RBFOX1: variants seen among roughly 807,000 people sequenced by gnomAD.
RBFOX1 encodes the protein RNA binding protein fox-1 homolog 1.
RBFOX1 carries 8 observed loss-of-function variants against 57.7 expected under a neutral mutation model. The observed-to-expected ratio is 0.14, with a 90% CI of 0.08 to 0.25. The LOEUF (loss-of-function observed/expected upper bound fraction) is 0.25, where lower values mean the gene tolerates loss of function less well. Among genes scored for constraint, RBFOX1 ranks in the 10% least tolerant of loss-of-function variants. The pLI is 1.00. For missense variants in RBFOX1, 611 were observed against 548.5 expected, an observed-to-expected ratio of 1.11 and a Z score of -1.14; for synonymous variants, 326 against 222.4, an observed-to-expected ratio of 1.47 and a Z score of -4.15.
At chr16:5,259,039 C>T (rs1450425476) in intron 1 of RBFOX1, among the ~76,000 whole-genome samples, 1 of 152,138 alleles carries the variant, frequency 6.6e-6, no homozygotes, top group Non-Finnish European at 1.5e-5. Flanking sequence ...AGCGCAGGTT[C>T]AAGCATTCCC....
chr16:5,815,556 CCTT>C (rs971825817), intron 3 of RBFOX1, among the ~76,000 whole-genome samples: 2 of 152,160 alleles, frequency 1.3e-5, no homozygotes, highest in Non-Finnish European at 2.9e-5. Flanking sequence ...AAGTCCATCT[CCTT>C]CTCTCCAGAG....
intron 3 of RBFOX1, among the ~76,000 whole-genome samples, chr16:7,049,740 A>G (rs973706118): frequency 3.9e-5 from 6 of 152,090 alleles, no homozygotes; most frequent in African/African-American, 1.2e-4. Context: ...TAGCTCCCCC[A>G]TGCATTCTAT....
At chr16:7,098,325 A>G (rs528448024) in intron 4 of RBFOX1, among the ~76,000 whole-genome samples, 33 of 152,132 alleles carry the variant, frequency 2.2e-4, no homozygotes, top group Non-Finnish European at 2.2e-4. Flanking sequence ...GTGCATCGCC[A>G]TGCCTGGCTA....
In RBFOX1 at chr16:6,267,017, T is replaced by A. The variant is rs367931503; in HGVS notation, c.-126-49978T>A. Among the ~76,000 whole-genome samples, 21 of 152,262 alleles carry A rather than the reference T, an allele frequency of 1.4e-4. No individual in the cohort carries two copies. The East Asian group carries it at 2.9e-3, about 21-fold the overall frequency. On this transcript the variant is annotated intron_variant, in intron 1 of 15. Coordinates refer to ENST00000550418, the MANE Select transcript of RBFOX1 (RefSeq NM_018723.4). ...GAGATTTCTGGCTCCACCACCATCA[T>A]GAATATTTTTGATGGGATAGGTTCT...
intron 2 of RBFOX1, among the ~76,000 whole-genome samples, chr16:6,590,589 A>G (rs1017870928): frequency 6.6e-6 from 1 of 152,186 alleles, no homozygotes; most frequent in African/African-American, 2.4e-5. Flanking sequence ...ATTATTTCAC[A>G]AAGCAGTTCT....
At chr16:5,487,876 G>A (rs1488824539) in intron 2 of RBFOX1, among the ~76,000 whole-genome samples, 1 of 152,154 alleles carries the variant, frequency 6.6e-6, no homozygotes, top group Non-Finnish European at 1.5e-5. Context: ...TGATAATGAT[G>A]GTGGTGGTAG....
rs544937315 is a variant in RBFOX1 at position 7,145,724 on chromosome 16, C to T, written c.27+93626C>T. 5.3e-5 allele frequency among the ~76,000 whole-genome samples: 8 copies of T among 152,268 alleles called. No individual in the cohort carries two copies. The South Asian group carries it at 1.0e-3, about 20-fold the overall frequency. On this transcript the variant is annotated intron_variant, in intron 4 of 15. Transcript: ENST00000550418. ...GAAATTTAAAAAATGTATCTTTAAG[C>T]TTGACATCTCCCAGTGGTATGGCCC...
chr16:7,711,679 A>G lies in RBFOX1; in HGVS notation c.*934A>G, dbSNP rs2084022173. On this transcript the variant is annotated 3_prime_UTR_variant, in exon 16 of 16. Coordinates refer to ENST00000550418, the MANE Select transcript of RBFOX1 (RefSeq NM_018723.4). ...GTTAAAAAAAATGTATAAAATTTACATCTGTGCAGTGGAGTTGTTAAGTTC... is the reference window on the plus strand; with the variant it reads ...GTTAAAAAAAATGTATAAAATTTACGTCTGTGCAGTGGAGTTGTTAAGTTC... 6.5e-6 allele frequency: 1 copy of G among 152,672 alleles called. No individual in the cohort carries two copies. The highest frequency in any genetic ancestry group is 6.5e-5 in the Admixed American group (1 of 15,292). 9.5% of individuals were successfully genotyped at this position (152,672 alleles called of 1,614,324 possible).
At chr16:5,275,755 C>A (rs9938821) in intron 1 of RBFOX1, among the ~76,000 whole-genome samples, 3 of 151,948 alleles carry the variant, frequency 2.0e-5, no homozygotes, top group East Asian at 1.9e-4. Flanking sequence ...AAGAACCAAT[C>A]TAGAGGCATC....
chr16:7,382,891 A>G (rs1175572481), intron 4 of RBFOX1, among the ~76,000 whole-genome samples: 1 of 152,240 alleles, frequency 6.6e-6, no homozygotes, highest in Non-Finnish European at 1.5e-5. Context: ...TAAGCTGCCT[A>G]CATCAAGTAT....
chr16:5,606,777 G>C (rs190829168), intron 3 of RBFOX1, among the ~76,000 whole-genome samples: 2,344 of 152,206 alleles, frequency 0.015, 56 homozygotes, highest in African/African-American at 0.053. Context: ...TGAAGGACAA[G>C]TGGGAGTCGT....
intron 1 of RBFOX1, among the ~76,000 whole-genome samples, chr16:6,052,805 AT>A (rs2095568747): frequency 6.2e-4 from 1 of 1,606 alleles, no homozygotes; most frequent in Non-Finnish European, 1.2e-3. Flanking sequence ...AAAATAAAAT[AT>A]AATAATAATA....
At chr16:7,439,851 A>G (rs528596941) in intron 4 of RBFOX1, among the ~76,000 whole-genome samples, 1 of 152,246 alleles carries the variant, frequency 6.6e-6, no homozygotes, top group Admixed American at 6.5e-5. Context: ...GGAAAAGAGA[A>G]GTGCCAGTGT....
intron 1 of RBFOX1, among the ~76,000 whole-genome samples, chr16:6,036,109 G>C (rs918369124): frequency 6.6e-6 from 1 of 152,150 alleles, no homozygotes; most frequent in Non-Finnish European, 1.5e-5. Flanking sequence ...GCAGCCACCT[G>C]AGGGTGACAC....
At chr16:5,620,264 C>G (rs1261644228) in intron 3 of RBFOX1, among the ~76,000 whole-genome samples, 2 of 152,072 alleles carry the variant, frequency 1.3e-5, no homozygotes, top group African/African-American at 4.8e-5. Flanking sequence ...AGGGATCCAC[C>G]CAACACATGC....
At position 7,219,048 on chromosome 16, in the gene RBFOX1, C is replaced by G. The variant is rs79531923; in HGVS notation, c.27+166950C>G. Among the ~76,000 whole-genome samples the G allele has an allele frequency of 3.0e-3, 460 of 152,240 alleles. 1 individual carries two copies. The highest frequency in any genetic ancestry group is 0.017 in the Middle Eastern group (5 of 294). The stretch of plus-strand genomic sequence containing the variant: ...GAAGGGCTCGGAGCCAGACAAAGCA[C>G]GCCTTTGTAAATGAATGTGGAGTTG... On this transcript the variant is annotated intron_variant, in intron 4 of 15. Coordinates refer to ENST00000550418, the MANE Select transcript of RBFOX1 (RefSeq NM_018723.4).
chr16:7,031,689 C>G (rs781363323), intron 3 of RBFOX1, among the ~76,000 whole-genome samples: 10 of 152,152 alleles, frequency 6.6e-5, no homozygotes, highest in Non-Finnish European at 1.3e-4. Context: ...GCGAGATAAT[C>G]CAGTACTTTA....
At chr16:5,353,273 C>T (rs774891796) in intron 1 of RBFOX1, among the ~76,000 whole-genome samples, 9 of 151,208 alleles carry the variant, frequency 6.0e-5, no homozygotes, top group Non-Finnish European at 1.0e-4. Flanking sequence ...AGCTATTCAG[C>T]AGGCTGAGCC....
In RBFOX1 at chr16:7,047,798, C is replaced by G. The variant is rs563634669; in HGVS notation, c.-15-4259C>G. ...GTTTAGAATGGATACTTTTTATGTA[C>G]TCAAGTTTACTTCTTTTTCTTCTGT... On this transcript the variant is annotated intron_variant, in intron 3 of 15. Transcript: ENST00000550418. Among the ~76,000 whole-genome samples the G allele has an allele frequency of 6.1e-5, 7 of 113,856 alleles. No individual in the cohort carries two copies. In the East Asian group the frequency reaches 1.6e-3, roughly 26 times the overall value. 74.7% of individuals were successfully genotyped at this position (113,856 alleles called of 152,430 possible).
Sources: allele counts gnomAD v4.1 joint callset (sites outside exome capture counted in the v4.1 genomes callset), GRCh38; gene constraint gnomAD v4.1.1; transcripts MANE v1.5; gene names NCBI Gene and HGNC (gene_info 2026-07-23, HGNC 2026-07-21).